RASAL2: variants seen among roughly 807,000 people sequenced by gnomAD.
The protein encoded by RASAL2 is ras GTPase-activating protein nGAP.
In RASAL2, 58 loss-of-function variants were observed where a neutral mutation model predicts 128.9. That is an observed-to-expected ratio of 0.45 (90% CI 0.36 to 0.56). RASAL2 has a LOEUF of 0.56. Ranked by LOEUF, RASAL2 falls within the 20% of genes least tolerant of loss-of-function variation. The pLI is 0.00. For missense variants in RASAL2, 1,360 were observed against 1,601.6 expected, an observed-to-expected ratio of 0.85 and a Z score of 2.57; for synonymous variants, 561 against 580.8, an observed-to-expected ratio of 0.97 and a Z score of 0.49.
intron 7 of RASAL2, 42 bp downstream of exon 7, chr1:178,441,689 A>G (rs1327901485): frequency 6.7e-7 from 1 of 1,490,852 alleles, no homozygotes; most frequent in African/African-American, 1.4e-5. Context: ...ATAACTTTGT[A>G]AGCAGTTAAT....
chr1:178,249,531 G>T lies in RASAL2; in HGVS notation c.203-34033G>T, dbSNP rs577992110. On this transcript the variant is annotated intron_variant, in intron 1 of 17. Coordinates refer to ENST00000367649, the MANE Select transcript of RASAL2 (RefSeq NM_170692.4). ...AGTTTGTTATTACCCACCTTCTGAAGCCTACTCCTGTCAGCTCGTCAAACT... is the reference window on the plus strand; with the variant it reads ...AGTTTGTTATTACCCACCTTCTGAATCCTACTCCTGTCAGCTCGTCAAACT... 1.1e-4 allele frequency among the ~76,000 whole-genome samples: 17 copies of T among 152,050 alleles called. 1 individual carries two copies. The highest frequency in any genetic ancestry group is 4.1e-4 in the African/African-American group (17 of 41,488).
Position 178,454,482 on chromosome 1 carries a change from A to G in RASAL2, c.2045A>G (p.Asn682Ser), listed in dbSNP as rs1677624661. The change falls in exon 12 of 18, where the codon AAT becomes AGT. Residue 682 changes from asparagine to serine, a missense_variant. By Grantham distance (46) the Asn-to-Ser change is conservative. This residue lies in a region of RASAL2 where 741 missense variants were observed against 868.6 expected (regional missense o/e 0.85). Transcript: ENST00000367649. ...AAAGAGGAATACATGGCATTCATGA[A>G]TGATTTTTTAGAACATGAATGGGGT... is the stretch of plus-strand genomic sequence containing the variant. ...GNKEEYMAFM[N>S]DFLEHEWGGM... The G allele has an allele frequency of 2.5e-6, 4 of 1,613,384 alleles. No individual in the cohort carries two copies. In the East Asian group the frequency reaches 6.7e-5, roughly 27 times the overall value.
At chr1:178,227,682 T>C (rs2102015221) in intron 1 of RASAL2, among the ~76,000 whole-genome samples, 1 of 152,292 alleles carries the variant, frequency 6.6e-6, no homozygotes, top group Middle Eastern at 3.4e-3. Flanking sequence ...TTTAAGTAAT[T>C]GCATATTTAT....
intron 17 of RASAL2, chr1:178,470,667 G>A (rs748474453): frequency 7.3e-7 from 1 of 1,363,102 alleles, no homozygotes; most frequent in Non-Finnish European, 9.8e-7. Context: ...TGTTGCAAGT[G>A]ATATCTCCGC....
intron 5 of RASAL2, among the ~76,000 whole-genome samples, chr1:178,437,914 AT>A (rs1676361101): frequency 6.6e-6 from 1 of 151,808 alleles, no homozygotes; most frequent in South Asian, 2.1e-4. Context: ...AAATATTTTA[AT>A]TTTTTGTTCT....
In RASAL2 at chr1:178,349,297, C is replaced by T. The variant is rs892406078; in HGVS notation, c.458-40803C>T. Among the ~76,000 whole-genome samples the T allele has an allele frequency of 2.9e-4, 44 of 149,588 alleles. 1 individual carries two copies. Among genetic ancestry groups the T allele is most frequent in the Admixed American group, 2.0e-3 (30 of 15,062 alleles). On this transcript the variant is annotated intron_variant, in intron 3 of 17. Coordinates refer to ENST00000367649, the MANE Select transcript of RASAL2 (RefSeq NM_170692.4). ...AAAAAAAGCCAGGCATGGTGGCGCGCGCCTGTAGTCCCAGCTACTCGGGAG... is the reference window on the plus strand; with the variant it reads ...AAAAAAAGCCAGGCATGGTGGCGCGTGCCTGTAGTCCCAGCTACTCGGGAG...
chr1:178,108,611 T>G (rs1191698878), intron 1 of RASAL2, among the ~76,000 whole-genome samples: 1 of 152,234 alleles, frequency 6.6e-6, no homozygotes, highest in Non-Finnish European at 1.5e-5. Flanking sequence ...GATTTGAATC[T>G]AGACAGTTCC....
chr1:178,443,753 AT>A (rs1455623309), intron 8 of RASAL2, among the ~76,000 whole-genome samples: 1 of 152,158 alleles, frequency 6.6e-6, no homozygotes, highest in Non-Finnish European at 1.5e-5. Context: ...TGATACACTT[AT>A]TTCACCTTGG....
At chr1:178,330,004 T>C (rs1669214421) in intron 3 of RASAL2, among the ~76,000 whole-genome samples, 1 of 152,204 alleles carries the variant, frequency 6.6e-6, no homozygotes, top group African/African-American at 2.4e-5. Flanking sequence ...TATAAGTTAA[T>C]AATAAGTATA....
At chr1:178,240,527 C>CCAAAAG in intron 1 of RASAL2, among the ~76,000 whole-genome samples, 1 of 151,190 alleles carries the variant, frequency 6.6e-6, no homozygotes, top group East Asian at 1.9e-4. Flanking sequence ...GATGTTTTAT[C>CCAAAAG]CAAAAGCAAA....
chr1:178,213,353 A>G (rs367684778), intron 1 of RASAL2, among the ~76,000 whole-genome samples: 56 of 152,170 alleles, frequency 3.7e-4, no homozygotes, highest in African/African-American at 1.3e-3. Flanking sequence ...CATATTCACT[A>G]AAATTACACA....
At chr1:178,462,491 GT>G (rs1209362705) in intron 14 of RASAL2, among the ~76,000 whole-genome samples, 2 of 152,048 alleles carry the variant, frequency 1.3e-5, no homozygotes, top group African/African-American at 4.8e-5. Flanking sequence ...ATAGTATATA[GT>G]TTTTTCATTT....
At chr1:178,417,429 T>C (rs923010451) in intron 4 of RASAL2, among the ~76,000 whole-genome samples, 2 of 152,138 alleles carry the variant, frequency 1.3e-5, no homozygotes, top group African/African-American at 4.8e-5. Flanking sequence ...TTTTATTAAA[T>C]ACAATGTATC....
chr1:178,285,069 TTTC>T (rs562212190), intron 2 of RASAL2, among the ~76,000 whole-genome samples: 210 of 151,572 alleles, frequency 1.4e-3, no homozygotes, highest in Non-Finnish European at 2.5e-3. Flanking sequence ...ACAATTCCAG[TTTC>T]TTCTTGTATT....
At chr1:178,265,269 T>G (rs925800783) in intron 1 of RASAL2, among the ~76,000 whole-genome samples, 2 of 152,064 alleles carry the variant, frequency 1.3e-5, no homozygotes, top group African/African-American at 4.8e-5. Flanking sequence ...GGTTTTTTGG[T>G]TTTTGTTGAG....
intron 2 of RASAL2, among the ~76,000 whole-genome samples, chr1:178,290,862 G>C (rs1198092234): frequency 6.6e-6 from 1 of 151,944 alleles, no homozygotes; most frequent in Non-Finnish European, 1.5e-5. Flanking sequence ...ATTTTTAGTA[G>C]AGACAGGGTT....
At chr1:178,096,852 T>C (rs916706174) in intron 1 of RASAL2, among the ~76,000 whole-genome samples, 5 of 152,172 alleles carry the variant, frequency 3.3e-5, no homozygotes, top group African/African-American at 1.2e-4. Context: ...GTCTTTAGTT[T>C]ATGTAAATAT....
chr1:178,267,216 T>C (rs1665998707), intron 1 of RASAL2, among the ~76,000 whole-genome samples: 1 of 152,210 alleles, frequency 6.6e-6, no homozygotes, highest in Non-Finnish European at 1.5e-5. Context: ...CTTTAGACTC[T>C]TCTAGCATTT....
At chr1:178,462,701 G>C (rs1333327724) in intron 14 of RASAL2, among the ~76,000 whole-genome samples, 1 of 152,066 alleles carries the variant, frequency 6.6e-6, no homozygotes, top group Non-Finnish European at 1.5e-5. Context: ...ACCACCTACT[G>C]TATGCCAAGC....
Sources: allele counts gnomAD v4.1 joint callset (sites outside exome capture counted in the v4.1 genomes callset), GRCh38; gene constraint gnomAD v4.1.1; regional missense constraint gnomAD v4.1.1; transcripts MANE v1.5; gene names NCBI Gene and HGNC (gene_info 2026-07-23, HGNC 2026-07-21).